The following INPP4B variants were observed in gnomAD, a reference collection of about 807,000 sequenced individuals.
The protein encoded by INPP4B is inositol polyphosphate-4-phosphatase type II B.
In INPP4B, 55 loss-of-function variants were observed where a neutral mutation model predicts 122.5. The ratio of observed to expected loss-of-function variants is 0.45; its 90% CI spans 0.36 to 0.56. The LOEUF is 0.56. Among genes scored for constraint, INPP4B ranks in the 20% least tolerant of loss-of-function variants. The probability of loss-of-function intolerance (pLI) is 0.00; values close to 1 mark genes in which losing one functional copy is unlikely to be tolerated. For missense variants in INPP4B, 1,000 were observed against 1,097.7 expected, an observed-to-expected ratio of 0.91 and a Z score of 1.26; for synonymous variants, 403 against 388.7, an observed-to-expected ratio of 1.04 and a Z score of -0.43.
chr4:142,265,657 AT>A (rs1238017487), intron 10 of INPP4B, among the ~76,000 whole-genome samples: 1 of 152,194 alleles, frequency 6.6e-6, no homozygotes, highest in Non-Finnish European at 1.5e-5. Context: ...TTTATCAAAA[AT>A]TTGCAAAAAA....
chr4:142,466,965 G>A lies in INPP4B; in HGVS notation c.-190-4239C>T, dbSNP rs149807129. ...TCTACATGGTGTTAAGCCTGCAGGT[G>A]CACAGAATGCAAGAGTGAAGGAGGC... On this transcript the variant is annotated intron_variant, in intron 2 of 25. Transcript: ENST00000262992. Among the ~76,000 whole-genome samples, 240 of 152,336 alleles carry A rather than the reference G, an allele frequency of 1.6e-3. 4 individuals carry two copies. Among genetic ancestry groups the A allele is most frequent in the Middle Eastern group, 6.8e-3 (2 of 294 alleles).
intron 21 of INPP4B, among the ~76,000 whole-genome samples, chr4:142,114,537 G>A (rs1475936640): frequency 6.6e-6 from 1 of 151,884 alleles, no homozygotes; most frequent in Non-Finnish European, 1.5e-5. Context: ...ATGTTTTCTT[G>A]TACTTATAAA....
At chr4:142,299,988 TTAAAG>T (rs1275235136) in intron 9 of INPP4B, among the ~76,000 whole-genome samples, 6 of 152,168 alleles carry the variant, frequency 3.9e-5, no homozygotes, top group African/African-American at 1.4e-4. Context: ...GATTCCATGC[TTAAAG>T]TAAGAAGACA....
intron 11 of INPP4B, among the ~76,000 whole-genome samples, chr4:142,241,021 T>A (rs1280690035): frequency 6.6e-6 from 1 of 152,146 alleles, no homozygotes; most frequent in Non-Finnish European, 1.5e-5. Context: ...TTCTTCTCTA[T>A]AGCATACACA....
At chr4:142,641,171 G>A (rs570102842) in intron 2 of INPP4B, among the ~76,000 whole-genome samples, 1 of 152,136 alleles carries the variant, frequency 6.6e-6, no homozygotes, top group South Asian at 2.1e-4. Context: ...GGAAACAACT[G>A]AAACAGCAAA....
chr4:142,185,767 T>C (rs1832922401), intron 15 of INPP4B, among the ~76,000 whole-genome samples: 1 of 151,262 alleles, frequency 6.6e-6, no homozygotes, highest in Non-Finnish European at 1.5e-5. Context: ...TAGTCCCAGC[T>C]ACTCGGGAGG....
intron 2 of INPP4B, among the ~76,000 whole-genome samples, chr4:142,523,674 T>A (rs1826408560): frequency 6.6e-6 from 1 of 152,044 alleles, no homozygotes; most frequent in African/African-American, 2.4e-5. Flanking sequence ...TTTATTATTA[T>A]ACTTTAAGTT....
chr4:142,809,188 TA>T (rs1426358369), intron 1 of INPP4B, among the ~76,000 whole-genome samples: 1 of 152,126 alleles, frequency 6.6e-6, no homozygotes, highest in Non-Finnish European at 1.5e-5. Flanking sequence ...TAAAAAGATG[TA>T]AAACCTATAA....
intron 2 of INPP4B, among the ~76,000 whole-genome samples, chr4:142,589,992 A>C (rs1474884733): frequency 1.3e-5 from 2 of 152,142 alleles, no homozygotes; most frequent in Non-Finnish European, 2.9e-5. Flanking sequence ...GATAAATCTT[A>C]AGTACATATT....
intron 1 of INPP4B, among the ~76,000 whole-genome samples, chr4:142,776,008 T>C (rs1445417541): frequency 6.6e-6 from 1 of 152,178 alleles, no homozygotes; most frequent in African/African-American, 2.4e-5. Flanking sequence ...TATTTTAAAA[T>C]ATATCTATGT....
At chr4:142,727,369 C>A (rs1765466864) in intron 1 of INPP4B, among the ~76,000 whole-genome samples, 1 of 152,134 alleles carries the variant, frequency 6.6e-6, no homozygotes, top group Non-Finnish European at 1.5e-5. Flanking sequence ...ACCTGGTGAG[C>A]CCCTACTGCA....
chr4:142,100,165 A>G lies in INPP4B; in HGVS notation c.2374+7928T>C, dbSNP rs138514505. On this transcript the variant is annotated intron_variant, in intron 23 of 25. Coordinates refer to ENST00000262992, the MANE Select transcript of INPP4B (RefSeq NM_001101669.3). ...TACCATTCCCATTCTGCTCTTTATC[A>G]CAGGAAACCTCATCTTCCAGGCTAA... Among the ~76,000 whole-genome samples, 485 of 152,154 alleles carry G rather than the reference A, an allele frequency of 3.2e-3. 3 individuals are homozygous for G. Among genetic ancestry groups the G allele is most frequent in the Non-Finnish European group, 5.0e-3 (341 of 68,000 alleles).
At chr4:142,637,844 T>C (rs981114448) in intron 2 of INPP4B, among the ~76,000 whole-genome samples, 22 of 152,198 alleles carry the variant, frequency 1.4e-4, no homozygotes. Flanking sequence ...TTGCTCCATA[T>C]GCTCACCGAC....
chr4:142,706,408 C>A (rs1762477395), intron 2 of INPP4B, among the ~76,000 whole-genome samples: 1 of 152,172 alleles, frequency 6.6e-6, no homozygotes, highest in African/African-American at 2.4e-5. Flanking sequence ...ATCAATCAAT[C>A]AATCAGTCAA....
chr4:142,698,480 T>C (rs1160770315), intron 2 of INPP4B, among the ~76,000 whole-genome samples: 1 of 152,190 alleles, frequency 6.6e-6, no homozygotes, highest in Admixed American at 6.5e-5. Context: ...TACCAGACCC[T>C]AGATCTTGTC....
chr4:142,579,644 C>G (rs1734574427), intron 2 of INPP4B, among the ~76,000 whole-genome samples: 1 of 151,778 alleles, frequency 6.6e-6, no homozygotes, highest in African/African-American at 2.4e-5. Context: ...GCCTGACTGC[C>G]TCTGAATGGG....
chr4:142,457,239 C>T (rs2149555491), intron 3 of INPP4B, among the ~76,000 whole-genome samples: 1 of 151,974 alleles, frequency 6.6e-6, no homozygotes, highest in South Asian at 2.1e-4. Flanking sequence ...GTTAATATGA[C>T]ACAAAACATA....
chr4:142,237,530 G>C (rs1427022648), intron 12 of INPP4B, among the ~76,000 whole-genome samples: 1 of 151,956 alleles, frequency 6.6e-6, no homozygotes, highest in Non-Finnish European at 1.5e-5. Context: ...TAAAGACCTG[G>C]TGTGTATCTT....
At chr4:142,722,303 A>G (rs972913706) in intron 2 of INPP4B, among the ~76,000 whole-genome samples, 5 of 152,286 alleles carry the variant, frequency 3.3e-5, no homozygotes, top group African/African-American at 1.2e-4. Flanking sequence ...TAGTTTTTGG[A>G]ATAAAGAAGA....
Sources: gnomAD v4.1 joint callset for allele counts (sites outside exome capture counted in the v4.1 genomes callset) on GRCh38, gnomAD v4.1.1 for gene constraint, MANE v1.5 for transcripts, NCBI Gene and HGNC (gene_info 2026-07-23, HGNC 2026-07-21) for gene names.